The following NHSL1 variants were observed in gnomAD, a reference collection of about 807,000 sequenced individuals.
NHSL1 encodes NHS-like protein 1.
In NHSL1, 48 loss-of-function variants were observed where a neutral mutation model predicts 95.0. That is an observed-to-expected ratio of 0.51 (90% CI 0.40 to 0.64). The LOEUF (loss-of-function observed/expected upper bound fraction) is 0.64, where lower values mean the gene tolerates loss of function less well. Ranked by LOEUF, NHSL1 falls within the 30% of genes least tolerant of loss-of-function variation. The probability of loss-of-function intolerance (pLI) is 0.00; values close to 1 mark genes in which losing one functional copy is unlikely to be tolerated. For synonymous variants in NHSL1, 783 were observed against 833.9 expected, an observed-to-expected ratio of 0.94 and a Z score of 1.05; for missense variants, 1,971 against 2,077.7, an observed-to-expected ratio of 0.95 and a Z score of 1.00.
intron 1 of NHSL1, among the ~76,000 whole-genome samples, chr6:138,638,415 T>C (rs200197131): frequency 6.6e-6 from 1 of 152,310 alleles, no homozygotes; most frequent in East Asian, 1.9e-4. Context: ...GTGATTATTA[T>C]GCATAGCATG....
chr6:138,586,973 G>A (rs987583928), intron 1 of NHSL1, among the ~76,000 whole-genome samples: 12 of 151,700 alleles, frequency 7.9e-5, no homozygotes, highest in Admixed American at 4.6e-4. Flanking sequence ...CGTTGGGCGC[G>A]TGTGTTTTTT....
intron 1 of NHSL1, among the ~76,000 whole-genome samples, chr6:138,570,861 A>G (rs1783813836): frequency 6.6e-6 from 1 of 152,260 alleles, no homozygotes; most frequent in Non-Finnish European, 1.5e-5. Context: ...CCTTTGTGAT[A>G]CTTAAATAGC....
chr6:138,592,980 T>A (rs1784253314), intron 1 of NHSL1, among the ~76,000 whole-genome samples: 1 of 152,208 alleles, frequency 6.6e-6, no homozygotes, highest in Non-Finnish European at 1.5e-5. Context: ...TGTTATGGAC[T>A]TTCCTAGCCA....
chr6:138,605,462 A>T (rs541556542), intron 1 of NHSL1, among the ~76,000 whole-genome samples: 9 of 152,262 alleles, frequency 5.9e-5, no homozygotes, highest in African/African-American at 2.2e-4. Flanking sequence ...CTCACCCCCC[A>T]CAAAAAAAAG....
rs1785044944 is a variant in NHSL1, at chr6:138,648,220, G to A, written c.96+44256C>T. On this transcript the variant is annotated intron_variant, in intron 1 of 3. Coordinates refer to the NHSL1 transcript ENST00000491526. ...GCATCTATCAATAAACATCAATGTAGGAGTGTTTTCACTTATCTACTGCTG... is the reference window on the plus strand; with the variant it reads ...GCATCTATCAATAAACATCAATGTAAGAGTGTTTTCACTTATCTACTGCTG... Among the ~76,000 whole-genome samples, 3 of 151,948 alleles carry A rather than the reference G, an allele frequency of 2.0e-5. No homozygotes were observed. In the South Asian group the frequency reaches 6.2e-4, roughly 31 times the overall value.
At position 138,581,267 on chromosome 6, in the gene NHSL1, A is replaced by T. The variant is rs187077599; in HGVS notation, c.97-84896T>A. On this transcript the variant is annotated intron_variant, in intron 1 of 3. Transcript: ENST00000491526. The stretch of plus-strand genomic sequence containing the variant: ...GAATTCTGAGATTTTTTGCACTCGT[A>T]CTTTTCAAATTTTCTAATTCCTTAC... Among the ~76,000 whole-genome samples the T allele has an allele frequency of 7.3e-4, 111 of 152,294 alleles. No individual in the cohort carries two copies. In the East Asian group the frequency reaches 0.015, roughly 20 times the overall value.
In NHSL1 at chr6:138,483,861, A is replaced by T. The variant is rs537585628; in HGVS notation, c.212-10428T>A. Among the ~76,000 whole-genome samples, 8 of 152,238 alleles carry T rather than the reference A, an allele frequency of 5.3e-5. No individual in the cohort carries two copies. The East Asian group carries it at 1.3e-3, about 26-fold the overall frequency. ...TGAATGAATGATCTGTATTTGTTGG[A>T]CAGTAGCGTGCTTGAAGGGGTACTG... On this transcript the variant is annotated intron_variant, in intron 2 of 7. Coordinates refer to ENST00000343505, the MANE Select transcript of NHSL1 (RefSeq NM_001144060.2).
chr6:138,461,623 A>T lies in NHSL1; in HGVS notation c.339+11683T>A, dbSNP rs147781427. ...GGAGGTGACTGGTAGACTTAACAAG[A>T]GTAGTTTAAGTGTGCGCTGGGGATA... On this transcript the variant is annotated intron_variant, in intron 3 of 7. Transcript: ENST00000343505. 5.8e-3 allele frequency among the ~76,000 whole-genome samples: 885 copies of T among 152,252 alleles called. 8 individuals are homozygous for T. Among genetic ancestry groups the T allele is most frequent in the Middle Eastern group, 0.01 (3 of 294 alleles).
intron 1 of NHSL1, among the ~76,000 whole-genome samples, chr6:138,594,068 C>T (rs747180800): frequency 1.3e-5 from 2 of 152,192 alleles, no homozygotes; most frequent in African/African-American, 2.4e-5. Flanking sequence ...CAGCCTTTGA[C>T]ATGCTAATGT....
At chr6:138,659,224 A>G (rs1319846616) in intron 1 of NHSL1, among the ~76,000 whole-genome samples, 1 of 151,542 alleles carries the variant, frequency 6.6e-6, no homozygotes, top group Non-Finnish European at 1.5e-5. Context: ...TAATTTTTGT[A>G]TTTTTAGTAA....
chr6:138,446,901 T>C (rs1314057143), intron 4 of NHSL1, 100 bp downstream of exon 4: 4 of 1,068,772 alleles, frequency 3.7e-6, no homozygotes, highest in Non-Finnish European at 5.6e-6. Flanking sequence ...ACCACAGCTA[T>C]TCACCTTTGA....
intron 1 of NHSL1, among the ~76,000 whole-genome samples, chr6:138,530,294 G>A (rs74609277): frequency 0.046 from 6,967 of 152,262 alleles, 165 homozygotes; most frequent in Middle Eastern, 0.071. Flanking sequence ...TGGCAGGGAT[G>A]TGGTGAAAAG....
chr6:138,432,540 T>C lies in NHSL1; in HGVS notation c.1805A>G (p.Glu602Gly). ...NKEDAGSLYS[E>G]DHDGYCASVH... ...AGATGCACAGTAGCCATCGTGGTCC[T>C]CAGAATACAGCGACCCAGCATCCTC... The change falls in exon 6 of 8, where the codon GAG becomes GGG. Residue 602 changes from glutamate (E) to glycine (G), a missense_variant. Physicochemically the swap from Glu to Gly is moderately conservative, Grantham distance 98. Coordinates refer to ENST00000343505, the MANE Select transcript of NHSL1 (RefSeq NM_001144060.2). This position sits in a 1 kb window ranked among gnomAD's most constrained non-coding sequence, Gnocchi z 4.4. 1 of 1,552,150 alleles carries C rather than the reference T, an allele frequency of 6.4e-7. No homozygotes were observed. Among genetic ancestry groups the C allele is most frequent in the Non-Finnish European group, 8.7e-7 (1 of 1,147,098 alleles).
chr6:138,547,711 G>A (rs1414211169), upstream of NHSL1, among the ~76,000 whole-genome samples: 3 of 152,110 alleles, frequency 2.0e-5, no homozygotes, highest in African/African-American at 7.2e-5. Flanking sequence ...CAGAATGGGA[G>A]GGAACCTCAT....
chr6:138,595,886 T>A (rs976354971), intron 1 of NHSL1, among the ~76,000 whole-genome samples: 2 of 152,284 alleles, frequency 1.3e-5, no homozygotes, highest in African/African-American at 2.4e-5. Flanking sequence ...ATCTGTATAA[T>A]TGGCAGAGGG....
intron 2 of NHSL1, among the ~76,000 whole-genome samples, chr6:138,474,081 T>C (rs1778920308): frequency 6.6e-6 from 1 of 151,882 alleles, no homozygotes. Flanking sequence ...GATCTCGGGG[T>C]ACTGGGGCCA....
intron 1 of NHSL1, among the ~76,000 whole-genome samples, chr6:138,664,599 A>G (rs1785271407): frequency 6.6e-6 from 1 of 152,252 alleles, no homozygotes; most frequent in Non-Finnish European, 1.5e-5. Flanking sequence ...GACTCTAGCT[A>G]TGTGAAAATC....
At chr6:138,537,672 GAT>G (rs1258827532) in intron 1 of NHSL1, among the ~76,000 whole-genome samples, 3 of 152,202 alleles carry the variant, frequency 2.0e-5, no homozygotes, top group Non-Finnish European at 4.4e-5. Flanking sequence ...AAGATGATAT[GAT>G]TAACGGATAG....
intron 1 of NHSL1, among the ~76,000 whole-genome samples, chr6:138,652,349 G>A (rs2114711753): frequency 6.6e-6 from 1 of 151,572 alleles, no homozygotes; most frequent in South Asian, 2.1e-4. Context: ...GTTGAAGCAG[G>A]AGAATCACTT....
Sources: allele counts gnomAD v4.1 joint callset (sites outside exome capture counted in the v4.1 genomes callset), GRCh38; gene constraint gnomAD v4.1.1; non-coding constraint Gnocchi (gnomAD v3.1); transcripts MANE v1.5; gene names NCBI Gene and HGNC (gene_info 2026-07-23, HGNC 2026-07-21).